Variants in CTSC observed in about 807,000 individuals in gnomAD.
The protein encoded by CTSC is dipeptidyl peptidase 1.
CTSC carries 37 observed loss-of-function variants against 40.9 expected under a neutral mutation model. The observed-to-expected ratio is 0.91, with a 90% confidence interval of 0.70 to 1.19. The LOEUF is 1.19. CTSC is among the 50% of genes most tolerant of loss of function. The pLI is 0.00. For synonymous variants in CTSC, 232 were observed against 207.4 expected (o/e 1.12, Z -1.02); for missense variants, 594 against 567.3 (o/e 1.05, Z -0.48).
intron 2 of CTSC, among the ~76,000 whole-genome samples, chr11:88,327,454 T>C (rs1053674479): frequency 1.3e-5 from 2 of 152,146 alleles, no homozygotes; most frequent in African/African-American, 2.4e-5. Context: ...TTTTACTCTC[T>C]AATCACCTAT....
chr11:88,313,643 G>A (rs1232194261), intron 2 of CTSC, among the ~76,000 whole-genome samples: 1 of 152,202 alleles, frequency 6.6e-6, no homozygotes, highest in Non-Finnish European at 1.5e-5. Context: ...GCATGTGGGA[G>A]ACAGAAAGGG....
Position 88,293,718 on chromosome 11 carries a change from T to TA in CTSC, c.*287dup, listed in dbSNP as rs45522633. The TA allele has an allele frequency of 4.0e-5, 16 of 396,640 alleles. No individual in the cohort carries two copies. Among genetic ancestry groups the TA allele is most frequent in the Non-Finnish European group, 6.9e-5 (15 of 217,804 alleles). 24.6% of individuals were successfully genotyped at this position (396,640 alleles called of 1,614,324 possible). Reference sequence around the variant, plus strand: ...TAAGTCTATGTTTTCACATTGATTTTAAAAAATATAGCATGTTTGAATTAC... The same window carrying TA: ...TAAGTCTATGTTTTCACATTGATTTTAAAAAAATATAGCATGTTTGAATTAC... On this transcript the variant is annotated 3_prime_UTR_variant, in exon 7 of 7. Transcript: ENST00000227266.
rs766806566 is a variant in CTSC at position 88,337,515 on chromosome 11, T to G, written c.158A>C (p.Asn53Thr). The change falls in exon 1 of 7, where the codon AAC becomes ACC. Residue 53 changes from asparagine to threonine, a missense_variant. By Grantham distance (65) the Asn-to-Thr change is moderately conservative (BLOSUM62 0). Coordinates refer to ENST00000227266, the MANE Select transcript of CTSC (RefSeq NM_001814.6). ...VGSSGSQRDV[N>T]CSVMGPQEKK... is the part of the protein sequence containing the mutation. Reference sequence around the variant, plus strand: ...CGGCGGCTTACCCATAACCGAGCAGTTGACATCGCGCTGGGAACCGCTGGA... The same window carrying G: ...CGGCGGCTTACCCATAACCGAGCAGGTGACATCGCGCTGGGAACCGCTGGA... The G allele has an allele frequency of 6.3e-7, 1 of 1,574,936 alleles. No individual in the cohort carries two copies. The highest frequency in any genetic ancestry group is 1.8e-5 in the Admixed American group (1 of 55,044).
At chr11:88,335,678 T>C (rs17812238) in intron 1 of CTSC, among the ~76,000 whole-genome samples, 45,604 of 152,000 alleles carry the variant, frequency 0.3, 7,761 homozygotes, top group Non-Finnish European at 0.4. Context: ...ATTTTTCCAC[T>C]GAACAAAAGG....
At position 88,325,967 on chromosome 11, in the gene CTSC, A is replaced by T; in HGVS notation, c.318+8970T>A. 3.0e-6 allele frequency: 3 copies of T among 999,096 alleles called. No homozygotes were observed. The South Asian group carries it at 1.3e-4, about 44-fold the overall frequency. The allele number at this position is 999,096 out of a possible 1,614,324, so 61.9% of individuals were successfully genotyped here. A position where few individuals can be genotyped will look rare whatever the true frequency, so the allele number is the denominator to read the frequency against. ...AGAAAGGAAAGACACTCAGGCAGACAGTTAAACTGTGAATAAAATTTACGC... is the reference window on the plus strand; with the variant it reads ...AGAAAGGAAAGACACTCAGGCAGACTGTTAAACTGTGAATAAAATTTACGC... On this transcript the variant is annotated intron_variant, in intron 2 of 6. Coordinates refer to ENST00000227266, the MANE Select transcript of CTSC (RefSeq NM_001814.6).
Position 88,312,421 on chromosome 11 carries a change from A to C in CTSC, c.452T>G (p.Val151Gly). The C allele has an allele frequency of 1.2e-6, 2 of 1,614,136 alleles. No individual in the cohort carries two copies. The highest frequency in any genetic ancestry group is 1.7e-6 in the Non-Finnish European group (2 of 1,179,988). Residue 151 changes from valine to glycine, a missense_variant, in exon 3 of 7, where the codon GTC (valine) becomes GGC (glycine). Transcript: ENST00000227266. ...AGAATTCTTAAGGTGTGCTATGTTG[A>C]CATACACATTCTCAGAGGCAGTTCC... Reference protein sequence around the residue: ...KVGTASENVYVNIAHLKNSQE... With the variant: ...KVGTASENVYGNIAHLKNSQE...
At chr11:88,328,053 C>T in intron 2 of CTSC, 2 of 1,060,542 alleles carry the variant, frequency 1.9e-6, no homozygotes, top group Non-Finnish European at 3.0e-6. Flanking sequence ...CATAAGCCAT[C>T]AGGAAGTGAG....
At chr11:88,314,249 C>T (rs2134788612) in intron 2 of CTSC, among the ~76,000 whole-genome samples, 1 of 152,280 alleles carries the variant, frequency 6.6e-6, no homozygotes, top group East Asian at 1.9e-4. Flanking sequence ...AGGCTGTGTT[C>T]CAATAAAACT....
At position 88,317,665 on chromosome 11, in the gene CTSC, T is replaced by C. The variant is rs75218713; in HGVS notation, c.319-5111A>G. ...CCTGTGAAATACTTCTTTTGTGATT[T>C]CTGACGTTGTATCACCAATTAAGAA... is the stretch of plus-strand genomic sequence containing the variant. On this transcript the variant is annotated intron_variant, in intron 2 of 6. Coordinates refer to ENST00000227266, the MANE Select transcript of CTSC (RefSeq NM_001814.6). Among the ~76,000 whole-genome samples, 486 of 152,352 alleles carry C rather than the reference T, an allele frequency of 3.2e-3. 6 individuals carry two copies. The East Asian group carries it at 0.059, about 19-fold the overall frequency.
Position 88,310,213 on chromosome 11 carries a change from G to C in CTSC, c.486-895C>G, listed in dbSNP as rs1311231181. On this transcript the variant is annotated intron_variant, in intron 3 of 6. Transcript: ENST00000227266. ...TTTTTTTTTTAAACAAGATCCCCAA[G>C]TGATTCACAATAACATTAAAATCTG... Among the ~76,000 whole-genome samples the C allele has an allele frequency of 3.4e-5, 5 of 145,498 alleles. No homozygotes were observed. In the Admixed American group the frequency reaches 3.5e-4, roughly 10 times the overall value.
At chr11:88,309,814 GCACACACACACA>G (rs71470765) in intron 3 of CTSC, among the ~76,000 whole-genome samples, 10 of 119,000 alleles carry the variant, frequency 8.4e-5, no homozygotes, top group Admixed American at 2.5e-4. Context: ...ATGTATGCGC[GCACACACACACA>G]CACACACACA....
rs748966025 is a variant in CTSC, at chr11:88,294,205, T to C, written c.1193A>G (p.Asn398Ser). 1.5e-5 allele frequency: 24 copies of C among 1,613,696 alleles called. No homozygotes were observed. Among genetic ancestry groups the C allele is most frequent in the South Asian group, 8.8e-5 (8 of 91,072 alleles). ...AGCATGATTAGTCAGCTCAAAGGGG[T>C]TGAAAGGGTCTCTTAGACCAGTGTG... is the stretch of plus-strand genomic sequence containing the variant. Reference protein sequence around the residue: ...YHHTGLRDPFNPFELTNHAVL... With the variant: ...YHHTGLRDPFSPFELTNHAVL... The change falls in exon 7 of 7, where the codon AAC (asparagine) becomes AGC (serine). Residue 398 changes from asparagine to serine, a missense_variant. Coordinates refer to ENST00000227266, the MANE Select transcript of CTSC (RefSeq NM_001814.6).
rs409339 is a variant in CTSC at position 88,326,571 on chromosome 11, T to C, written c.318+8366A>G. 0.78 allele frequency: 539,708 copies of C among 691,430 alleles called. 212,845 individuals carry two copies. Among genetic ancestry groups the C allele is most frequent in the East Asian group, 1 (36,879 of 36,916 alleles). 42.8% of individuals were successfully genotyped at this position (691,430 alleles called of 1,614,324 possible). ...AGCACTGATATTTGAGATCCTGGTA[T>C]ATTTTTGTAAATGTTAAGACATTCA... On this transcript the variant is annotated intron_variant, in intron 2 of 6. Coordinates refer to ENST00000227266, the MANE Select transcript of CTSC (RefSeq NM_001814.6).
At chr11:88,337,154 A>C (rs1938518945) in intron 1 of CTSC, among the ~76,000 whole-genome samples, 1 of 152,202 alleles carries the variant, frequency 6.6e-6, no homozygotes, top group Non-Finnish European at 1.5e-5. Context: ...ATAAAAATAA[A>C]TTTTAAAAAT....
chr11:88,301,808 G>A (rs590144), intron 4 of CTSC, among the ~76,000 whole-genome samples: 1,900 of 119,458 alleles, frequency 0.016, 37 homozygotes, highest in African/African-American at 0.049. Flanking sequence ...AAACACACGC[G>A]CGCACACACA....
chr11:88,295,414 C>T (rs753576902), intron 6 of CTSC, among the ~76,000 whole-genome samples: 1 of 152,024 alleles, frequency 6.6e-6, no homozygotes, highest in Non-Finnish European at 1.5e-5. Context: ...GGCCTCACTC[C>T]GTTTGCCCAG....
At chr11:88,331,067 C>CT (rs1938341538) in intron 2 of CTSC, among the ~76,000 whole-genome samples, 1 of 152,148 alleles carries the variant, frequency 6.6e-6, no homozygotes, top group African/African-American at 2.4e-5. Flanking sequence ...ACTCAACGTG[C>CT]TTTTTCCTAT....
chr11:88,314,043 G>A (rs1025246231), intron 2 of CTSC, among the ~76,000 whole-genome samples: 11 of 152,182 alleles, frequency 7.2e-5, no homozygotes, highest in Admixed American at 3.9e-4. Flanking sequence ...AGACAGTAGG[G>A]TGGTTTTGGC....
chr11:88,318,915 A>C (rs1937935327), intron 2 of CTSC, among the ~76,000 whole-genome samples: 1 of 152,134 alleles, frequency 6.6e-6, no homozygotes, highest in African/African-American at 2.4e-5. Context: ...GCTCAAAAAT[A>C]AATAAATAAA....
Sources: gnomAD v4.1 joint callset for allele counts (sites outside exome capture counted in the v4.1 genomes callset) on GRCh38, gnomAD v4.1.1 for gene constraint, MANE v1.5 for transcripts, NCBI Gene and HGNC (gene_info 2026-07-23, HGNC 2026-07-21) for gene names.